Variants in MYBPC3 observed in about 807,000 individuals in gnomAD.
MYBPC3 encodes the protein myosin-binding protein C, cardiac-type.
MYBPC3 carries 108 observed loss-of-function variants against 159.3 expected under a neutral mutation model. That is an observed-to-expected ratio of 0.68 (90% CI 0.58 to 0.80). The LOEUF is 0.80. Ranked by LOEUF, MYBPC3 falls within the 30% of genes least tolerant of loss-of-function variation. The pLI, the probability that MYBPC3 is intolerant of heterozygous loss-of-function variation, is 0.00. For synonymous variants in MYBPC3, 730 were observed against 702.0 expected (o/e 1.04, Z -0.63); for missense variants, 1,631 against 1,762.1 (o/e 0.93, Z 1.33).
At position 47,341,208 on chromosome 11, in the gene MYBPC3, G is replaced by C. The variant is rs535853707; in HGVS notation, c.1827C>G (p.Ala609=). The change falls in exon 19 of 35, where the codon GCC becomes GCG. Residue 609 remains alanine (A), a synonymous_variant. Transcript: ENST00000545968. ...GCACAAAGCTGTAGTCAGCCTCGTCGGCAGGTGTGACGTCGTCAATGGTCA... is the reference window on the plus strand; with the variant it reads ...GCACAAAGCTGTAGTCAGCCTCGTCCGCAGGTGTGACGTCGTCAATGGTCA... ...HKLTIDDVTP[A]DEADYSFVPE... The C allele has an allele frequency of 2.3e-5, 37 of 1,598,868 alleles. No individual in the cohort carries two copies. The South Asian group carries it at 4.2e-4, about 18-fold the overall frequency.
In MYBPC3 at chr11:47,339,657, G is replaced by A. The variant is rs1218888004; in HGVS notation, c.2061C>T (p.Ile687=). The change falls in exon 21 of 35, where the codon ATC becomes ATT. Residue 687 remains isoleucine (I), a synonymous_variant. Transcript: ENST00000545968. ...GAGGAGGGACCCACAGTACCTGCGT[G>A]ATAGCCTTCTGCCAGATCACAGTGG... is the stretch of plus-strand genomic sequence containing the variant. The part of the protein sequence containing the change: ...PAPTVIWQKA[I]TQGNKAPARP... 4.4e-6 allele frequency: 7 copies of A among 1,598,650 alleles called. No homozygotes were observed. Among genetic ancestry groups the A allele is most frequent in the Non-Finnish European group, 6.0e-6 (7 of 1,171,266 alleles).
intron 12 of MYBPC3, among the ~76,000 whole-genome samples, chr11:47,344,036 G>A (rs962311988): frequency 1.3e-4 from 20 of 152,202 alleles, no homozygotes; most frequent in Non-Finnish European, 1.6e-4. Context: ...TGATGCGCCC[G>A]CCTCAGCCTC....
chr11:47,335,734 G>T, intron 26 of MYBPC3, 143 bp downstream of exon 26: 1 of 700,822 alleles, frequency 1.4e-6, no homozygotes, highest in Non-Finnish European at 2.1e-6. Flanking sequence ...TTTTACTTCT[G>T]AAAACAGGAC....
At chr11:47,336,161 TACAAG>T in intron 25 of MYBPC3, 150 bp from the exon 26 acceptor site, 2 of 798,336 alleles carry the variant, frequency 2.5e-6, no homozygotes, top group South Asian at 4.2e-5. Flanking sequence ...TTGTCCCTGT[TACAAG>T]ACATGTCTGT....
chr11:47,335,187 C>T lies in MYBPC3; in HGVS notation c.2760G>A (p.Leu920=), dbSNP rs1595842606. 2 of 1,605,746 alleles carry T rather than the reference C, an allele frequency of 1.2e-6. No individual in the cohort carries two copies. The highest frequency in any genetic ancestry group is 1.7e-6 in the Non-Finnish European group (2 of 1,175,636). Residue 920 remains leucine (L), a synonymous_variant, in exon 27 of 35, where the codon CTG becomes CTA. Coordinates refer to ENST00000545968, the MANE Select transcript of MYBPC3 (RefSeq NM_000256.3). ...PEGCSEWVAA[L]QGLTEHTSIL... ...TCGATGTGTGCTCTGTCAGCCCCTG[C>T]AGGGCAGCCACCCACTCTGAGCCTG...
chr11:47,348,908 T>TTATATATACATACATATATA (rs1555123224), intron 5 of MYBPC3, among the ~76,000 whole-genome samples: 1 of 39,884 alleles, frequency 2.5e-5, no homozygotes, highest in African/African-American at 7.6e-5. Context: ...CTGTCTCAAA[T>TTATATATACATACATATATA]TATATATATA....
intron 20 of MYBPC3, among the ~76,000 whole-genome samples, chr11:47,340,739 C>T (rs2095887646): frequency 6.6e-6 from 1 of 152,160 alleles, no homozygotes; most frequent in Non-Finnish European, 1.5e-5. Flanking sequence ...TGTGACAGCA[C>T]TTGACAGGTC....
Position 47,336,011 on chromosome 11 carries a change from C to T in MYBPC3, c.2603G>A (p.Gly868Asp), listed in dbSNP as rs886048376. Residue 868 changes from glycine (G) to aspartate (D), a missense_variant and splice_region_variant, in exon 26 of 35, where the codon GGT becomes GAT. By Grantham distance (94) the Gly-to-Asp change is moderately conservative. Transcript: ENST00000545968. The stretch of plus-strand genomic sequence containing the variant: ...CAGGTGGGTGGGTTCGCTGGGGGGA[C>T]CTGGGCAGAGGAGAGGTCAGAGAGG... Reference protein sequence around the residue: ...SPASQPFMPIGPPSEPTHLAV... With the variant: ...SPASQPFMPIDPPSEPTHLAV... 6.6e-7 allele frequency: 1 copy of T among 1,517,434 alleles called. No homozygotes were observed. The highest frequency in any genetic ancestry group is 2.4e-5 in the East Asian group (1 of 41,292). The allele number at this position is 1,517,434 out of a possible 1,614,324, so 94.0% of individuals were successfully genotyped here. A position where few individuals can be genotyped will look rare whatever the true frequency, so the allele number is the denominator to read the frequency against.
At chr11:47,335,841 C>A in intron 26 of MYBPC3, 36 bp downstream of exon 26, 1 of 1,380,720 alleles carries the variant, frequency 7.2e-7, no homozygotes, top group Non-Finnish European at 9.5e-7. Context: ...GCATGTTCTT[C>A]CTTTGGGGAG....
chr11:47,335,821 G>T, intron 26 of MYBPC3, 56 bp downstream of exon 26: 1 of 1,346,690 alleles, frequency 7.4e-7, no homozygotes. Context: ...TCTGCTCAAT[G>T]GCAAGGTGAG....
Position 47,338,950 on chromosome 11 carries a change from A to G in MYBPC3, c.2149-271T>C, listed in dbSNP as rs534957956. Among the ~76,000 whole-genome samples, 12 of 152,302 alleles carry G rather than the reference A, an allele frequency of 7.9e-5. No individual in the cohort carries two copies. The highest frequency in any genetic ancestry group is 3.9e-4 in the Admixed American group (6 of 15,304). On this transcript the variant is annotated intron_variant, in intron 22 of 34. Coordinates refer to ENST00000545968, the MANE Select transcript of MYBPC3 (RefSeq NM_000256.3). This position sits in a 1 kb window ranked among gnomAD's most constrained non-coding sequence, Gnocchi z 4.7. The stretch of plus-strand genomic sequence containing the variant: ...CCTCAAGACCCCAGCCTTCAGAAGA[A>G]CCAACAGTGCCAGGCAGGAGCAAGA...
Position 47,349,763 on chromosome 11 carries a change from G to T in MYBPC3, c.654+11C>A, listed in dbSNP as rs535977390. The T allele has an allele frequency of 6.2e-7, 1 of 1,601,254 alleles. No homozygotes were observed. The highest frequency in any genetic ancestry group is 8.5e-7 in the Non-Finnish European group (1 of 1,179,212). Reference sequence around the variant, plus strand: ...CCTCTCTCCGTGTCTCCACGACCCCGGTGGACCCACCTTGCTGGCGCGGTC... The same window carrying T: ...CCTCTCTCCGTGTCTCCACGACCCCTGTGGACCCACCTTGCTGGCGCGGTC... On this transcript the variant is annotated intron_variant, in intron 5 of 34. Coordinates refer to ENST00000545968, the MANE Select transcript of MYBPC3 (RefSeq NM_000256.3).
chr11:47,331,636 T>C lies in MYBPC3; in HGVS notation c.*107A>G. 8.7e-6 allele frequency: 5 copies of C among 574,370 alleles called. No individual in the cohort carries two copies. The highest frequency in any genetic ancestry group is 1.5e-5 in the Non-Finnish European group (5 of 324,508). 35.6% of individuals were successfully genotyped at this position (574,370 alleles called of 1,614,324 possible). On this transcript the variant is annotated 3_prime_UTR_variant, in exon 35 of 35. Coordinates refer to ENST00000545968, the MANE Select transcript of MYBPC3 (RefSeq NM_000256.3). ...CATCGCAGCACAGGAGACACACTTG[T>C]CACACATACATCCAACAGTAGGGAG...
chr11:47,344,549 C>T (rs962923441), intron 12 of MYBPC3, among the ~76,000 whole-genome samples: 1 of 152,198 alleles, frequency 6.6e-6, no homozygotes, highest in Non-Finnish European at 1.5e-5. Context: ...GAAGTGGGGG[C>T]TCCATCCACC....
chr11:47,332,347 T>C lies in MYBPC3; in HGVS notation c.3628-89A>G. ...CAGGGAGACACATCTGTGTTTCTAC[T>C]CGGGGGGTCCCACGAGAGTCCCTGA... On this transcript the variant is annotated intron_variant, in intron 32 of 34. Transcript: ENST00000545968. This position sits in a 1 kb window ranked among gnomAD's most constrained non-coding sequence, Gnocchi z 4.2. 1.3e-6 allele frequency: 2 copies of C among 1,507,290 alleles called. No individual in the cohort carries two copies. Among genetic ancestry groups the C allele is most frequent in the Admixed American group, 3.4e-5 (2 of 58,734 alleles). 93.4% of individuals were successfully genotyped at this position (1,507,290 alleles called of 1,614,324 possible). A position where few individuals can be genotyped will look rare whatever the true frequency, so the allele number is the denominator to read the frequency against.
intron 7 of MYBPC3, 22 bp downstream of exon 7, chr11:47,347,835 G>A (rs1279693771): frequency 6.4e-7 from 1 of 1,559,020 alleles, no homozygotes; most frequent in Admixed American, 1.9e-5. Flanking sequence ...GCCTCCCCCA[G>A]GCCCTGAGGA....
At position 47,339,408 on chromosome 11, in the gene MYBPC3, G is replaced by C. The variant is rs775084676; in HGVS notation, c.2068-4C>G. The C allele has an allele frequency of 3.7e-6, 6 of 1,613,792 alleles. No individual in the cohort carries two copies. In the East Asian group the frequency reaches 1.3e-4, roughly 36 times the overall value. ...GCCTGGCTGGGGCCTTATTCCCCTG[G>C]GAACAGGGCAGGAGGGAAGTAGGGA... On this transcript the variant is annotated splice_region_variant and splice_polypyrimidine_tract_variant and intron_variant, in intron 21 of 34. Transcript: ENST00000545968.
chr11:47,341,065 G>T, intron 19 of MYBPC3, 33 bp from the exon 20 acceptor site: 1 of 1,572,056 alleles, frequency 6.4e-7, no homozygotes, highest in Non-Finnish European at 8.6e-7. Flanking sequence ...TAGCACGGGG[G>T]CAAAGGCAGG....
chr11:47,352,229 A>G (rs761745769), intron 1 of MYBPC3, among the ~76,000 whole-genome samples: 14 of 152,140 alleles, frequency 9.2e-5, no homozygotes, highest in Admixed American at 2.6e-4. Flanking sequence ...CATAGTGGGT[A>G]GAGACTGGTC....
Sources: allele counts gnomAD v4.1 joint callset (sites outside exome capture counted in the v4.1 genomes callset), GRCh38; gene constraint gnomAD v4.1.1; non-coding constraint Gnocchi (gnomAD v3.1); transcripts MANE v1.5; gene names NCBI Gene and HGNC (gene_info 2026-07-23, HGNC 2026-07-21).